The following NVL variants were observed in gnomAD, a reference collection of about 807,000 sequenced individuals.
NVL encodes the protein nuclear valosin-containing protein-like.
In NVL, 84 loss-of-function variants were observed where a neutral mutation model predicts 110.2. The observed-to-expected ratio is 0.76, with a 90% CI of 0.64 to 0.91. NVL has a LOEUF of 0.91. Among genes scored for constraint, NVL ranks in the 40% least tolerant of loss-of-function variants. The pLI, the probability that NVL is intolerant of heterozygous loss-of-function variation, is 0.00. For missense variants in NVL, 882 were observed against 1,035.9 expected (o/e 0.85, Z 2.04); for synonymous variants, 354 against 361.1 (o/e 0.98, Z 0.22).
At chr1:224,282,557 G>A (rs2102601086) in intron 15 of NVL, among the ~76,000 whole-genome samples, 1 of 152,282 alleles carries the variant, frequency 6.6e-6, no homozygotes, top group Non-Finnish European at 1.5e-5. Flanking sequence ...GTGTAGAAGA[G>A]TCTAAGAATT....
rs189039806 is a variant in NVL, at chr1:224,300,843, G to A, written c.961-180C>T. 2.0e-4 allele frequency among the ~76,000 whole-genome samples: 30 copies of A among 152,198 alleles called. No homozygotes were observed. The East Asian group carries it at 5.0e-3, about 25-fold the overall frequency. On this transcript the variant is annotated intron_variant, in intron 9 of 22. Coordinates refer to ENST00000281701, the MANE Select transcript of NVL (RefSeq NM_002533.4). ...GTTTTGGCCGGGCATGGTGGCTCAG[G>A]CCTATAATCCCACTACTTTGGGAGG...
intron 21 of NVL, among the ~76,000 whole-genome samples, chr1:224,231,666 A>G (rs919145490): frequency 3.3e-5 from 5 of 152,192 alleles, no homozygotes; most frequent in Non-Finnish European, 7.3e-5. Context: ...GCAACACACA[A>G]TGAGATCTTA....
chr1:224,285,970 T>C (rs1666816947), intron 15 of NVL, 56 bp downstream of exon 15: 3 of 1,320,864 alleles, frequency 2.3e-6, no homozygotes, highest in Non-Finnish European at 3.3e-6. Flanking sequence ...GTTAAGTTCA[T>C]ATTATCCTAT....
chr1:224,301,672 T>A (rs1436295846), intron 9 of NVL: 1 of 355,212 alleles, frequency 2.8e-6, no homozygotes, highest in Non-Finnish European at 5.5e-6. Flanking sequence ...TGCTGATGCA[T>A]GCCTGCAGTC....
intron 11 of NVL, among the ~76,000 whole-genome samples, chr1:224,295,657 C>T (rs1667805270): frequency 6.6e-6 from 1 of 151,332 alleles, no homozygotes; most frequent in Non-Finnish European, 1.5e-5. Flanking sequence ...CGAGATCAGC[C>T]TGGGCAACAT....
chr1:224,248,405 T>C (rs1412593521), intron 19 of NVL, among the ~76,000 whole-genome samples: 1 of 152,202 alleles, frequency 6.6e-6, no homozygotes, highest in East Asian at 1.9e-4. Context: ...TCCAAGCTAT[T>C]TTCCATACTG....
At chr1:224,261,310 T>C (rs1466781428) in intron 18 of NVL, among the ~76,000 whole-genome samples, 17 of 152,180 alleles carry the variant, frequency 1.1e-4, no homozygotes, top group Non-Finnish European at 1.5e-5. Context: ...TTGGCCCTTA[T>C]TTATTTTTTC....
chr1:224,268,004 C>A, intron 18 of NVL, 30 bp downstream of exon 18: 1 of 1,449,616 alleles, frequency 6.9e-7, no homozygotes, highest in Non-Finnish European at 9.7e-7. Context: ...TTTTTAGATT[C>A]ATCTGTGTTA....
chr1:224,285,167 T>C (rs1156760289), intron 15 of NVL, among the ~76,000 whole-genome samples: 1 of 152,180 alleles, frequency 6.6e-6, no homozygotes, highest in Non-Finnish European at 1.5e-5. Context: ...CTGGGGGTGG[T>C]GGCTCACGCC....
At chr1:224,272,822 C>G (rs1665273985) in intron 17 of NVL, among the ~76,000 whole-genome samples, 1 of 149,160 alleles carries the variant, frequency 6.7e-6, no homozygotes, top group African/African-American at 2.5e-5. Context: ...ATCGCGAGGT[C>G]AGGAGATCGA....
intron 2 of NVL, among the ~76,000 whole-genome samples, chr1:224,323,680 C>G (rs1670872766): frequency 6.6e-6 from 1 of 152,138 alleles, no homozygotes; most frequent in South Asian, 2.1e-4. Flanking sequence ...CTTCAGGAGG[C>G]TCAAAAGAAG....
intron 16 of NVL, among the ~76,000 whole-genome samples, chr1:224,277,019 T>A (rs1665842594): frequency 6.7e-6 from 1 of 148,218 alleles, no homozygotes; most frequent in Admixed American, 6.8e-5. Context: ...TGTTTTACTA[T>A]CATTTGACCG....
At chr1:224,228,896 G>A (rs1027819013) in intron 22 of NVL, among the ~76,000 whole-genome samples, 10 of 114,912 alleles carry the variant, frequency 8.7e-5, no homozygotes, top group Non-Finnish European at 1.3e-4. Context: ...CCGAGATCGC[G>A]CCATTGCGAC....
chr1:224,316,674 A>AG (rs1670103861), intron 4 of NVL, among the ~76,000 whole-genome samples: 1 of 150,966 alleles, frequency 6.6e-6, no homozygotes, highest in African/African-American at 2.4e-5. Context: ...AAAAAAAAAA[A>AG]AAAAGAAAAA....
chr1:224,249,510 C>T (rs888215700), intron 19 of NVL, among the ~76,000 whole-genome samples: 9 of 152,124 alleles, frequency 5.9e-5, no homozygotes, highest in African/African-American at 1.2e-4. Flanking sequence ...TTTGGGAGGC[C>T]GAGGCGGGTG....
chr1:224,268,241 A>T (rs1664695616), intron 17 of NVL, 108 bp from the exon 18 acceptor site: 2 of 801,188 alleles, frequency 2.5e-6, no homozygotes, highest in Non-Finnish European at 4.0e-6. Context: ...GATAACAATG[A>T]TAATTTTCTG....
chr1:224,264,991 G>A (rs577650259), intron 18 of NVL, among the ~76,000 whole-genome samples: 14 of 151,820 alleles, frequency 9.2e-5, no homozygotes, highest in East Asian at 5.9e-4. Context: ...GTGATCCGCC[G>A]GCCTCGGCCT....
At chr1:224,267,957 T>C in intron 18 of NVL, 77 bp downstream of exon 18, 1 of 986,170 alleles carries the variant, frequency 1.0e-6, no homozygotes. Flanking sequence ...ACTTTTATTT[T>C]TAATTATCTG....
intron 4 of NVL, chr1:224,313,268 T>C (rs907066166): frequency 1.3e-5 from 2 of 149,778 alleles, no homozygotes; most frequent in Non-Finnish European, 2.9e-5. Context: ...TTCAACTATT[T>C]GAAAAAAAAA....
Sources: allele counts gnomAD v4.1 joint callset (sites outside exome capture counted in the v4.1 genomes callset), GRCh38; gene constraint gnomAD v4.1.1; transcripts MANE v1.5; gene names NCBI Gene and HGNC (gene_info 2026-07-23, HGNC 2026-07-21).